The following SDR16C5 variants were observed in gnomAD, a reference collection of about 807,000 sequenced individuals.
The protein encoded by SDR16C5 is short chain dehydrogenase/reductase family 16C member 5.
Under a neutral mutation model 27.7 loss-of-function variants are expected in SDR16C5, and 20 were observed. That is an observed-to-expected ratio of 0.72 (90% CI 0.51 to 1.05). SDR16C5 has a LOEUF of 1.05. Ranked by LOEUF, SDR16C5 falls within the 50% of genes least tolerant of loss-of-function variation. The pLI is 0.00. For missense variants in SDR16C5, 374 were observed against 366.3 expected (o/e 1.02, Z -0.17); for synonymous variants, 139 against 132.3 (o/e 1.05, Z -0.35).
chr8:56,304,079 T>C (rs1026841377), intron 6 of SDR16C5: 3 of 702,842 alleles, frequency 4.3e-6, no homozygotes, highest in Middle Eastern at 2.3e-4. Flanking sequence ...CTGTGCCAGA[T>C]GAAGCCTGGA....
rs758526091 is a variant in SDR16C5, at chr8:56,316,311, T to G, written c.37A>C (p.Ile13Leu). The G allele has an allele frequency of 1.2e-6, 2 of 1,614,080 alleles. No homozygotes were observed. The highest frequency in any genetic ancestry group is 1.3e-5 in the African/African-American group (1 of 75,058). ...FNLQSSKKLF[I>L]FLGKSLFSLL... ...CTAAACAGTGATTTTCCTAAGAAAATGAACAGTTTCTTTGATGATTGCAGG... is the reference window on the plus strand; with the variant it reads ...CTAAACAGTGATTTTCCTAAGAAAAGGAACAGTTTCTTTGATGATTGCAGG... Residue 13 changes from isoleucine (I) to leucine (L), a missense_variant, in exon 2 of 7, where the codon ATT (isoleucine) becomes CTT (leucine). By Grantham distance (5) the Ile-to-Leu change is conservative. Coordinates refer to ENST00000303749, the MANE Select transcript of SDR16C5 (RefSeq NM_138969.4).
intron 4 of SDR16C5, among the ~76,000 whole-genome samples, chr8:56,308,719 T>C (rs1029888720): frequency 2.0e-5 from 3 of 152,228 alleles, no homozygotes; most frequent in Non-Finnish European, 4.4e-5. Flanking sequence ...TAAGACCTAA[T>C]GATTCCAAAG....
Position 56,300,935 on chromosome 8 carries a change from C to G in SDR16C5, c.*545G>C. On this transcript the variant is annotated 3_prime_UTR_variant, in exon 7 of 7. Transcript: ENST00000303749. Reference sequence around the variant, plus strand: ...TCTGCGTATCCAGGGCATTCAGAAGCATTTGTGTAGCTGTTTTGGAAAGAA... The same window carrying G: ...TCTGCGTATCCAGGGCATTCAGAAGGATTTGTGTAGCTGTTTTGGAAAGAA... The G allele has an allele frequency of 6.5e-6, 1 of 152,958 alleles. No homozygotes were observed. Among genetic ancestry groups the G allele is most frequent in the Non-Finnish European group, 1.5e-5 (1 of 68,526 alleles). 9.5% of individuals were successfully genotyped at this position (152,958 alleles called of 1,614,324 possible). A position where few individuals can be genotyped will look rare whatever the true frequency, so the allele number is the denominator to read the frequency against.
At chr8:56,312,853 T>C (rs1815085011) in intron 2 of SDR16C5, among the ~76,000 whole-genome samples, 1 of 150,156 alleles carries the variant, frequency 6.7e-6, no homozygotes, top group Non-Finnish European at 1.5e-5. Flanking sequence ...CTTGGCTCAC[T>C]GCAAGCTCCG....
At chr8:56,302,546 G>A (rs868741198) in intron 6 of SDR16C5, among the ~76,000 whole-genome samples, 6 of 151,680 alleles carry the variant, frequency 4.0e-5, no homozygotes, top group Middle Eastern at 3.4e-3. Context: ...GGTGGTGCAC[G>A]CCTGTAATCC....
rs765076739 is a variant in SDR16C5, at chr8:56,306,838, T to C, written c.566-18A>G. ...ACAGTAATCTGAAAAAGACAAAGCATGATAACGTATATTCCAAAGTTTTAA... is the reference window on the plus strand; with the variant it reads ...ACAGTAATCTGAAAAAGACAAAGCACGATAACGTATATTCCAAAGTTTTAA... On this transcript the variant is annotated intron_variant, in intron 4 of 6. Coordinates refer to ENST00000303749, the MANE Select transcript of SDR16C5 (RefSeq NM_138969.4). 2 of 1,603,582 alleles carry C rather than the reference T, an allele frequency of 1.2e-6. No homozygotes were observed. The highest frequency in any genetic ancestry group is 3.5e-5 in the Admixed American group (2 of 57,728).
At chr8:56,309,243 A>G in intron 3 of SDR16C5, 2 of 895,256 alleles carry the variant, frequency 2.2e-6, no homozygotes, top group Non-Finnish European at 2.7e-6. Context: ...TATTATTAAA[A>G]TAATTTATTC....
chr8:56,306,617 A>C, intron 5 of SDR16C5, 59 bp downstream of exon 5: 2 of 1,446,528 alleles, frequency 1.4e-6, no homozygotes, highest in Non-Finnish European at 1.9e-6. Context: ...AAAGAACAAA[A>C]TAAAATAGCA....
chr8:56,317,762 A>G (rs1023858974), intron 1 of SDR16C5, among the ~76,000 whole-genome samples: 1 of 152,162 alleles, frequency 6.6e-6, no homozygotes, highest in African/African-American at 2.4e-5. Context: ...CTGAGGATCG[A>G]AGAGAAGATG....
rs114410515 is a variant in SDR16C5, at chr8:56,308,349, C to A, written c.565+579G>T. ...AGATTTCTATTCCTTCTAGAGCCAGCTCCCAAGTTGGGCCTCCTTGGTTGA... is the reference window on the plus strand; with the variant it reads ...AGATTTCTATTCCTTCTAGAGCCAGATCCCAAGTTGGGCCTCCTTGGTTGA... On this transcript the variant is annotated intron_variant, in intron 4 of 6. Coordinates refer to ENST00000303749, the MANE Select transcript of SDR16C5 (RefSeq NM_138969.4). Among the ~76,000 whole-genome samples the A allele has an allele frequency of 2.3e-3, 350 of 152,334 alleles. 1 individual carries two copies. Among genetic ancestry groups the A allele is most frequent in the African/African-American group, 8.3e-3 (345 of 41,578 alleles).
intron 2 of SDR16C5, among the ~76,000 whole-genome samples, chr8:56,313,548 AACAC>A (rs1815102202): frequency 6.6e-6 from 1 of 152,178 alleles, no homozygotes. Context: ...GGCAACTGTT[AACAC>A]ATTGGTTAAG....
intron 1 of SDR16C5, among the ~76,000 whole-genome samples, chr8:56,319,373 T>G (rs1815276128): frequency 6.6e-6 from 1 of 152,234 alleles, no homozygotes; most frequent in East Asian, 1.9e-4. Flanking sequence ...CTGTTAAGCA[T>G]ATGAATTAAT....
Position 56,309,007 on chromosome 8 carries a change from A to G in SDR16C5, c.486T>C (p.Pro162=), listed in dbSNP as rs767547364. The part of the protein sequence containing the change: ...AHLWTYKAFL[P]AMIANDHGHL... The stretch of plus-strand genomic sequence containing the variant: ...GTCCATGGTCATTAGCAATCATAGC[A>G]GGTAGAAAGGCTTTATAAGTCTAAG... The change falls in exon 4 of 7, where the codon CCT becomes CCC. Residue 162 remains proline, a synonymous_variant. Transcript: ENST00000303749. 5.0e-6 allele frequency: 8 copies of G among 1,611,092 alleles called. No individual in the cohort carries two copies. The East Asian group carries it at 8.9e-5, about 18-fold the overall frequency.
At chr8:56,312,530 T>C (rs1186575582) in intron 2 of SDR16C5, among the ~76,000 whole-genome samples, 3 of 151,858 alleles carry the variant, frequency 2.0e-5, no homozygotes, top group Admixed American at 6.6e-5. Context: ...CATGGCAAAA[T>C]CCTGTCTCTA....
In SDR16C5 at chr8:56,309,019, T is replaced by TTTATAA. The variant is rs1394972610; in HGVS notation, c.468_473dup (p.Tyr157_Lys158insAsnTyr). The TTTATAA allele has an allele frequency of 8.1e-6, 13 of 1,603,448 alleles. No homozygotes were observed. Among genetic ancestry groups the TTTATAA allele is most frequent in the Non-Finnish European group, 1.1e-5 (13 of 1,175,636 alleles). On this transcript the variant is annotated inframe_insertion, in exon 4 of 7. Coordinates refer to ENST00000303749, the MANE Select transcript of SDR16C5 (RefSeq NM_138969.4). ...TAGCAATCATAGCAGGTAGAAAGGC[T>TTTATAA]TTATAAGTCTAAGAATACAAAGGAA... is the stretch of plus-strand genomic sequence containing the variant.
chr8:56,313,698 T>C (rs1432813008), intron 2 of SDR16C5, among the ~76,000 whole-genome samples: 1 of 152,200 alleles, frequency 6.6e-6, no homozygotes, highest in Non-Finnish European at 1.5e-5. Context: ...CTGTATATAT[T>C]TTAAACACAC....
intron 6 of SDR16C5, among the ~76,000 whole-genome samples, chr8:56,303,723 C>T (rs1814816050): frequency 6.6e-6 from 1 of 152,182 alleles, no homozygotes; most frequent in Admixed American, 6.5e-5. Context: ...ACTAGTATTG[C>T]ATAAAACTAA....
intron 2 of SDR16C5, among the ~76,000 whole-genome samples, chr8:56,314,866 C>G (rs1815150114): frequency 6.6e-6 from 1 of 152,168 alleles, no homozygotes; most frequent in South Asian, 2.1e-4. Flanking sequence ...TTGGTTCTTC[C>G]CTTCTCAATA....
chr8:56,303,918 G>T (rs1814820383), intron 6 of SDR16C5: 1 of 701,420 alleles, frequency 1.4e-6, no homozygotes, highest in Non-Finnish European at 2.6e-6. Flanking sequence ...TCTCTACAAT[G>T]TAAATGAAGA....
Sources: allele counts gnomAD v4.1 joint callset (sites outside exome capture counted in the v4.1 genomes callset), GRCh38; gene constraint gnomAD v4.1.1; transcripts MANE v1.5; gene names NCBI Gene and HGNC (gene_info 2026-07-23, HGNC 2026-07-21).